Variants in PAQR5 observed in about 807,000 individuals in gnomAD.
PAQR5 encodes the protein progestin and adipoQ receptor family member 5, also known as membrane progestin receptor gamma.
In PAQR5, 20 loss-of-function variants were observed where a neutral mutation model predicts 34.5. The observed-to-expected ratio is 0.58, with a 90% confidence interval of 0.41 to 0.84. PAQR5 has a LOEUF of 0.84. Among genes scored for constraint, PAQR5 ranks in the 40% least tolerant of loss-of-function variants. The pLI is 0.00. For synonymous variants in PAQR5, 131 were observed against 155.6 expected (o/e 0.84, Z 1.18); for missense variants, 378 against 412.7 (o/e 0.92, Z 0.73).
intron 1 of PAQR5, among the ~76,000 whole-genome samples, chr15:69,318,041 G>A (rs930197114): frequency 1.3e-5 from 2 of 152,198 alleles, no homozygotes; most frequent in African/African-American, 2.4e-5. Flanking sequence ...GAGCCACCAG[G>A]CAGATCTTTT....
At chr15:69,333,531 C>T (rs1263090289) in intron 1 of PAQR5, among the ~76,000 whole-genome samples, 3 of 152,170 alleles carry the variant, frequency 2.0e-5, no homozygotes, top group Admixed American at 6.5e-5. Context: ...CCACCCCGCA[C>T]TGGGAGATGA....
At chr15:69,383,270 C>A (rs1257559755) in intron 4 of PAQR5, among the ~76,000 whole-genome samples, 1 of 151,956 alleles carries the variant, frequency 6.6e-6, no homozygotes, top group Non-Finnish European at 1.5e-5. Context: ...GGTGAGCGGC[C>A]CTGCGTGCTC....
intron 2 of PAQR5, among the ~76,000 whole-genome samples, chr15:69,355,427 CT>C (rs1383692620): frequency 1.7e-5 from 2 of 119,112 alleles, no homozygotes; most frequent in Non-Finnish European, 3.7e-5. Flanking sequence ...TTTTCTTTTT[CT>C]TTTTTTTCTT....
At chr15:69,302,840 C>A (rs890629607) in intron 1 of PAQR5, among the ~76,000 whole-genome samples, 1 of 152,190 alleles carries the variant, frequency 6.6e-6, no homozygotes. Flanking sequence ...AGTTTCCTGC[C>A]ACCATTCTTG....
chr15:69,304,927 G>C (rs2053681339), intron 1 of PAQR5, among the ~76,000 whole-genome samples: 1 of 152,216 alleles, frequency 6.6e-6, no homozygotes, highest in African/African-American at 2.4e-5. Context: ...GCACTCCTGG[G>C]AGCTGAAGAC....
intron 1 of PAQR5, among the ~76,000 whole-genome samples, chr15:69,305,531 G>A (rs1595827130): frequency 6.6e-6 from 1 of 152,108 alleles, no homozygotes; most frequent in Non-Finnish European, 1.5e-5. Flanking sequence ...GGCTCGGAGT[G>A]AGGGGGAGAG....
chr15:69,399,132 T>A (rs12592531), intron 7 of PAQR5, among the ~76,000 whole-genome samples: 2 of 152,198 alleles, frequency 1.3e-5, no homozygotes, highest in African/African-American at 4.8e-5. Context: ...GTGGCCATCA[T>A]TGATACTTTT....
Position 69,404,397 on chromosome 15 carries a change from A to AG in PAQR5, c.*579dup, listed in dbSNP as rs2056722409. 6.6e-6 allele frequency: 1 copy of AG among 152,586 alleles called. No individual in the cohort carries two copies. The highest frequency in any genetic ancestry group is 1.5e-5 in the Non-Finnish European group (1 of 68,342). The allele number at this position is 152,586 out of a possible 1,614,324, so 9.5% of individuals were successfully genotyped here. A position where few individuals can be genotyped will look rare whatever the true frequency, so the allele number is the denominator to read the frequency against. ...CTCCACCTAGTGAAGGGAGAACAGA[A>AG]GGGGAGTCCTCTCTTCCCACAAGTC... On this transcript the variant is annotated 3_prime_UTR_variant, in exon 9 of 9. Transcript: ENST00000395407.
chr15:69,313,572 G>A (rs1188505382), intron 1 of PAQR5, among the ~76,000 whole-genome samples: 1 of 152,160 alleles, frequency 6.6e-6, no homozygotes, highest in Non-Finnish European at 1.5e-5. Context: ...GTGGTTGGCA[G>A]AGAAGATTTC....
intron 1 of PAQR5, among the ~76,000 whole-genome samples, chr15:69,305,476 C>A (rs905501774): frequency 6.6e-6 from 1 of 151,936 alleles, no homozygotes; most frequent in Non-Finnish European, 1.5e-5. Context: ...CAGTTCTCTT[C>A]GCCTTCCAGA....
intron 1 of PAQR5, among the ~76,000 whole-genome samples, chr15:69,309,091 T>C (rs570103444): frequency 3.3e-5 from 5 of 152,112 alleles, no homozygotes; most frequent in Non-Finnish European, 5.9e-5. Flanking sequence ...AGAGGCCTGG[T>C]TGGAGCTACA....
intron 3 of PAQR5, among the ~76,000 whole-genome samples, chr15:69,377,578 C>T (rs111271771): frequency 0.024 from 3,670 of 152,282 alleles, 156 homozygotes; most frequent in African/African-American, 0.083. Context: ...TTGAGCAGTT[C>T]AACCCAGAAC....
intron 6 of PAQR5, chr15:69,397,225 C>G (rs1265314273): frequency 3.1e-6 from 2 of 654,298 alleles, no homozygotes; most frequent in South Asian, 3.0e-5. Context: ...AGTCTGGACA[C>G]CACTGCTTCC....
At chr15:69,321,062 T>C (rs1447035447) in intron 1 of PAQR5, among the ~76,000 whole-genome samples, 1 of 152,220 alleles carries the variant, frequency 6.6e-6, no homozygotes, top group Non-Finnish European at 1.5e-5. Context: ...TTTGAGTTCT[T>C]TGGTTTTATC....
At chr15:69,299,626 C>A (rs576566020) in intron 1 of PAQR5, among the ~76,000 whole-genome samples, 4 of 152,174 alleles carry the variant, frequency 2.6e-5, no homozygotes, top group Non-Finnish European at 4.4e-5. Flanking sequence ...TTGGCCTCCC[C>A]CCGGCCACAG....
intron 2 of PAQR5, among the ~76,000 whole-genome samples, chr15:69,351,716 A>G (rs965029286): frequency 1.3e-5 from 2 of 152,190 alleles, no homozygotes; most frequent in Admixed American, 1.3e-4. Flanking sequence ...CTCTGGGCTT[A>G]TTTGTAAGAC....
In PAQR5 at chr15:69,405,647, T is replaced by G. The variant is rs2056742256; in HGVS notation, c.*1825T>G. On this transcript the variant is annotated 3_prime_UTR_variant, in exon 9 of 9. Coordinates refer to ENST00000395407, the MANE Select transcript of PAQR5 (RefSeq NM_017705.4). ...AAAGGTACAAAGTTTAAATACCCCT[T>G]TCTAGTAATGCCAAAGACATACAGT... 1 of 152,202 alleles carries G rather than the reference T, an allele frequency of 6.6e-6. No individual in the cohort carries two copies. Among genetic ancestry groups the G allele is most frequent in the African/African-American group, 2.4e-5 (1 of 41,450 alleles). 9.4% of individuals were successfully genotyped at this position (152,202 alleles called of 1,614,324 possible). A position where few individuals can be genotyped will look rare whatever the true frequency, so the allele number is the denominator to read the frequency against.
At chr15:69,367,688 T>C (rs2055438152) in intron 3 of PAQR5, among the ~76,000 whole-genome samples, 1 of 152,206 alleles carries the variant, frequency 6.6e-6, no homozygotes, top group Admixed American at 6.5e-5. Flanking sequence ...GAAGAGAAAG[T>C]TAGTTTCCCT....
At chr15:69,308,227 A>G (rs1196623391) in intron 1 of PAQR5, among the ~76,000 whole-genome samples, 2 of 152,182 alleles carry the variant, frequency 1.3e-5, no homozygotes, top group Non-Finnish European at 2.9e-5. Context: ...TCGAGGCTGC[A>G]TGCTTGGTTT....
Sources: gnomAD v4.1 joint callset for allele counts (sites outside exome capture counted in the v4.1 genomes callset) on GRCh38, gnomAD v4.1.1 for gene constraint, MANE v1.5 for transcripts, NCBI Gene and HGNC (gene_info 2026-07-23, HGNC 2026-07-21) for gene names.